The following GRIK2 variants were observed in gnomAD, a reference collection of about 807,000 sequenced individuals.
GRIK2 encodes the protein glutamate ionotropic receptor kainate type subunit 2, also known as glutamate receptor ionotropic, kainate 2.
GRIK2 carries 32 observed loss-of-function variants against 100.3 expected under a neutral mutation model. That is an observed-to-expected ratio of 0.32 (90% CI 0.24 to 0.43). The LOEUF is 0.43. Ranked by LOEUF, GRIK2 falls within the 20% of genes least tolerant of loss-of-function variation. The probability of loss-of-function intolerance (pLI) is 1.00; values close to 1 mark genes in which losing one functional copy is unlikely to be tolerated. For synonymous variants in GRIK2, 417 were observed against 389.4 expected, an observed-to-expected ratio of 1.07 and a Z score of -0.83; for missense variants, 843 against 1,114.9, an observed-to-expected ratio of 0.76 and a Z score of 3.47.
At chr6:101,521,405 T>C (rs967427988) in intron 2 of GRIK2, among the ~76,000 whole-genome samples, 1 of 152,016 alleles carries the variant, frequency 6.6e-6, no homozygotes, top group Non-Finnish European at 1.5e-5. Flanking sequence ...AAGTATTATT[T>C]TTGAAATTAT....
In GRIK2 at chr6:101,626,457, A is replaced by G. The variant is rs1311779362; in HGVS notation, c.361A>G (p.Ile121Val). 9 of 1,612,884 alleles carry G rather than the reference A, an allele frequency of 5.6e-6. No individual in the cohort carries two copies. Among genetic ancestry groups the G allele is most frequent in the Non-Finnish European group, 6.8e-6 (8 of 1,178,972 alleles). Residue 121 changes from isoleucine to valine, a missense_variant, in exon 4 of 17, where the codon ATC becomes GTC. Around this residue, in one of 3 missense-constraint regions of GRIK2, gnomAD observed 519 missense variants for 643.8 expected, o/e 0.81. Coordinates refer to ENST00000369134, the MANE Select transcript of GRIK2 (RefSeq NM_021956.5). ...CTCATCAGCAAACGCAGTGCAGTCC[A>G]TCTGCAATGCTCTGGGAGTTCCCCA... is the stretch of plus-strand genomic sequence containing the variant. Reference protein sequence around the residue: ...HSSSANAVQSICNALGVPHIQ... With the variant: ...HSSSANAVQSVCNALGVPHIQ...
At chr6:101,461,495 T>C (rs1771305654) in intron 2 of GRIK2, among the ~76,000 whole-genome samples, 1 of 152,162 alleles carries the variant, frequency 6.6e-6, no homozygotes, top group African/African-American at 2.4e-5. Flanking sequence ...AAACCAATAG[T>C]GGCCAGTCTA....
intron 2 of GRIK2, among the ~76,000 whole-genome samples, chr6:101,432,806 A>T (rs949076291): frequency 7.2e-5 from 11 of 152,214 alleles, no homozygotes; most frequent in African/African-American, 2.2e-4. Flanking sequence ...TTGAGAAGGG[A>T]TCATCTAAAT....
At chr6:101,486,038 A>G (rs985139909) in intron 2 of GRIK2, among the ~76,000 whole-genome samples, 1 of 152,044 alleles carries the variant, frequency 6.6e-6, no homozygotes, top group African/African-American at 2.4e-5. Flanking sequence ...ATGAAATTCA[A>G]TCAATCAACC....
intron 7 of GRIK2, among the ~76,000 whole-genome samples, chr6:101,770,309 C>T (rs183095886): frequency 1.3e-5 from 2 of 152,216 alleles, no homozygotes; most frequent in Admixed American, 6.5e-5. Flanking sequence ...CTTGCCCATA[C>T]GTCACCACCC....
At chr6:101,817,871 A>G (rs1162452319) in intron 9 of GRIK2, among the ~76,000 whole-genome samples, 1 of 152,224 alleles carries the variant, frequency 6.6e-6, no homozygotes, top group Non-Finnish European at 1.5e-5. Flanking sequence ...AATTCTGGGC[A>G]TGGTCTTATC....
chr6:101,725,277 A>G (rs1437479487), intron 7 of GRIK2, among the ~76,000 whole-genome samples: 1 of 152,060 alleles, frequency 6.6e-6, no homozygotes. Flanking sequence ...AAAACATTTT[A>G]GTAATTGATT....
chr6:101,942,889 C>T (rs1237839402), intron 14 of GRIK2, among the ~76,000 whole-genome samples: 1 of 152,166 alleles, frequency 6.6e-6, no homozygotes, highest in Non-Finnish European at 1.5e-5. Flanking sequence ...ATTTAAGCAA[C>T]TGGCTGCAGA....
rs555740032 is a variant in GRIK2 at position 101,451,779 on chromosome 6, G to A, written c.115+52387G>A. Among the ~76,000 whole-genome samples, 7 of 151,026 alleles carry A rather than the reference G, an allele frequency of 4.6e-5. No individual in the cohort carries two copies. The South Asian group carries it at 1.3e-3, about 27-fold the overall frequency. On this transcript the variant is annotated intron_variant, in intron 2 of 16. Transcript: ENST00000369134. ...TATTTAATGTGACTGGCCAGAAGATGTGCCTGCCAAAGTCAGTTTCCTTTT... is the reference window on the plus strand; with the variant it reads ...TATTTAATGTGACTGGCCAGAAGATATGCCTGCCAAAGTCAGTTTCCTTTT...
intron 2 of GRIK2, among the ~76,000 whole-genome samples, chr6:101,618,304 T>G (rs1189168892): frequency 6.6e-6 from 1 of 151,612 alleles, no homozygotes; most frequent in African/African-American, 2.4e-5. Flanking sequence ...AAACTATGGA[T>G]TCTGTGTTCT....
intron 2 of GRIK2, among the ~76,000 whole-genome samples, chr6:101,600,666 T>C (rs150913814): frequency 4.9e-4 from 75 of 151,852 alleles, no homozygotes; most frequent in African/African-American, 1.5e-3. Flanking sequence ...GGATTTTTTT[T>C]AAGCTAATTG....
At chr6:101,680,863 A>G (rs1771189888) in intron 5 of GRIK2, among the ~76,000 whole-genome samples, 1 of 152,108 alleles carries the variant, frequency 6.6e-6, no homozygotes, top group Non-Finnish European at 1.5e-5. Flanking sequence ...TTTAATCCGA[A>G]TATTATTGGT....
intron 12 of GRIK2, among the ~76,000 whole-genome samples, chr6:101,921,586 T>TA (rs903105946): frequency 1.3e-5 from 2 of 151,892 alleles, no homozygotes; most frequent in African/African-American, 4.8e-5. Context: ...TGATTTAGCT[T>TA]AAAAAAATAA....
At chr6:102,028,640 C>G (rs891028708) in intron 14 of GRIK2, among the ~76,000 whole-genome samples, 1 of 150,930 alleles carries the variant, frequency 6.6e-6, no homozygotes, top group Middle Eastern at 3.4e-3. Flanking sequence ...TGCAATATCT[C>G]TGAGACATTA....
intron 11 of GRIK2, chr6:101,860,891 AT>A: frequency 1.2e-6 from 1 of 822,110 alleles, no homozygotes; most frequent in Non-Finnish European, 1.5e-6. Context: ...TTTCTCAGAT[AT>A]TAGGAGAAAG....
In GRIK2 at chr6:101,889,774, C is replaced by T; in HGVS notation, c.1659C>T (p.Phe553=). 6.2e-7 allele frequency: 1 copy of T among 1,613,512 alleles called. No homozygotes were observed. Among genetic ancestry groups the T allele is most frequent in the Non-Finnish European group, 8.5e-7 (1 of 1,179,598 alleles). The change falls in exon 12 of 17, where the codon TTC becomes TTT. Residue 553 remains phenylalanine, a synonymous_variant. Coordinates refer to ENST00000369134, the MANE Select transcript of GRIK2 (RefSeq NM_021956.5). ...RKPNGTNPGV[F]SFLNPLSPDI... The stretch of plus-strand genomic sequence containing the variant: ...CCAATGGTACAAACCCAGGCGTCTT[C>T]TCCTTCCTGAATCCTCTCTCCCCTG...
chr6:101,634,121 G>C (rs1397913482), intron 4 of GRIK2, among the ~76,000 whole-genome samples: 2 of 151,992 alleles, frequency 1.3e-5, no homozygotes, highest in Non-Finnish European at 2.9e-5. Context: ...AGAGCAATAG[G>C]GCAACACTGG....
intron 2 of GRIK2, among the ~76,000 whole-genome samples, chr6:101,406,763 C>T (rs1775618307): frequency 6.6e-6 from 1 of 152,164 alleles, no homozygotes; most frequent in Admixed American, 6.5e-5. Context: ...TACCGCCAGA[C>T]ATCCCAATGC....
At chr6:101,574,318 A>C (rs1334974917) in intron 2 of GRIK2, among the ~76,000 whole-genome samples, 1 of 147,578 alleles carries the variant, frequency 6.8e-6, no homozygotes, top group Non-Finnish European at 1.5e-5. Context: ...TATATTTAAT[A>C]TATTATGAAT....
Sources: allele counts gnomAD v4.1 joint callset (sites outside exome capture counted in the v4.1 genomes callset), GRCh38; gene constraint gnomAD v4.1.1; regional missense constraint gnomAD v4.1.1; transcripts MANE v1.5; gene names NCBI Gene and HGNC (gene_info 2026-07-23, HGNC 2026-07-21).